The following NDUFA10 variants were observed in gnomAD, a reference collection of about 807,000 sequenced individuals.
NDUFA10 encodes the protein NADH dehydrogenase [ubiquinone] 1 alpha subcomplex subunit 10, mitochondrial.
A neutral mutation model predicts 47.8 loss-of-function variants in NDUFA10; 40 were observed. The observed-to-expected ratio is 0.84, with a 90% CI of 0.65 to 1.09. The LOEUF is 1.09. NDUFA10 is among the 50% of genes least tolerant of loss of function. The pLI is 0.00. For missense variants in NDUFA10, 413 were observed against 451.1 expected, an observed-to-expected ratio of 0.92 and a Z score of 0.76; for synonymous variants, 183 against 172.2, an observed-to-expected ratio of 1.06 and a Z score of -0.49.
At chr2:239,997,364 T>C (rs1312453778) in intron 8 of NDUFA10, among the ~76,000 whole-genome samples, 1 of 152,080 alleles carries the variant, frequency 6.6e-6, no homozygotes. Context: ...AGCAAATAAA[T>C]AGCCAATAAA....
rs992447019 is a variant in NDUFA10, at chr2:239,959,125, C to T, written c.*1993G>A. The T allele has an allele frequency of 7.1e-6, 7 of 985,358 alleles. No homozygotes were observed. The highest frequency in any genetic ancestry group is 5.2e-4 in the Middle Eastern group (1 of 1,936). The allele number at this position is 985,358 out of a possible 1,614,324, so 61.0% of individuals were successfully genotyped here. A position where few individuals can be genotyped will look rare whatever the true frequency, so the allele number is the denominator to read the frequency against. On this transcript the variant is annotated 3_prime_UTR_variant, in exon 10 of 10. Coordinates refer to ENST00000252711, the MANE Select transcript of NDUFA10 (RefSeq NM_004544.4). ...TGAAAACACCAGAAAATCAAACAGA[C>T]GAATGTCCTCAGCACTACAAATTAC...
At chr2:239,988,554 T>C (rs1460172428) in intron 9 of NDUFA10, among the ~76,000 whole-genome samples, 3 of 152,100 alleles carry the variant, frequency 2.0e-5, no homozygotes, top group Admixed American at 6.5e-5. Flanking sequence ...GGGCAGAGAC[T>C]AAACCCAAGG....
chr2:239,914,191 GACACACACAAATATAGAC>G (rs1305105069), intron 4 of NDUFA10, among the ~76,000 whole-genome samples: 5 of 135,098 alleles, frequency 3.7e-5, no homozygotes, highest in African/African-American at 1.7e-4. Flanking sequence ...CACATACACA[GACACACACAAATATAGAC>G]ACACACAGAG....
At chr2:240,003,889 T>G (rs538392218) in intron 8 of NDUFA10, among the ~76,000 whole-genome samples, 5 of 152,036 alleles carry the variant, frequency 3.3e-5, no homozygotes, top group African/African-American at 9.7e-5. Flanking sequence ...GGAAGGTCAA[T>G]GCACAGAGAC....
chr2:240,006,099 G>T (rs138240050), intron 7 of NDUFA10, among the ~76,000 whole-genome samples: 3 of 152,116 alleles, frequency 2.0e-5, no homozygotes, highest in African/African-American at 7.2e-5. Context: ...CTCACAACAG[G>T]CCAAACTCAT....
chr2:239,953,165 T>C (rs186193202), downstream of NDUFA10, among the ~76,000 whole-genome samples: 11 of 152,294 alleles, frequency 7.2e-5, no homozygotes, highest in East Asian at 2.1e-3. Flanking sequence ...TTTCCTGGAC[T>C]GAGTGGCCCA....
intron 4 of NDUFA10, among the ~76,000 whole-genome samples, chr2:239,949,059 C>T (rs1694504944): frequency 6.6e-6 from 1 of 152,242 alleles, no homozygotes; most frequent in African/African-American, 2.4e-5. Flanking sequence ...GCTTTAACCC[C>T]ACGAATGCAA....
At chr2:239,932,024 C>T (rs953385814) in intron 4 of NDUFA10, among the ~76,000 whole-genome samples, 13 of 151,766 alleles carry the variant, frequency 8.6e-5, no homozygotes, top group Admixed American at 3.9e-4. Context: ...TTAGTAGAGA[C>T]GGGGTTTCAC....
At chr2:239,947,429 G>A (rs886709318) in intron 4 of NDUFA10, among the ~76,000 whole-genome samples, 2 of 152,216 alleles carry the variant, frequency 1.3e-5, no homozygotes, top group Admixed American at 6.5e-5. Flanking sequence ...TGCAGCCACA[G>A]CCAAATGCTC....
rs1171104799 is a variant in NDUFA10, at chr2:239,923,531, G to A, written c.295-28217C>T. 3.9e-5 allele frequency among the ~76,000 whole-genome samples: 6 copies of A among 151,962 alleles called. No homozygotes were observed. In the East Asian group the frequency reaches 7.7e-4, roughly 20 times the overall value. ...CAACAGATTTATAAATAATACATGG[G>A]TTCAAGAAATATCCTAGAAGAAAAG... is the stretch of plus-strand genomic sequence containing the variant. On this transcript the variant is annotated intron_variant, in intron 4 of 5. Transcript: ENST00000419408.
chr2:239,962,187 C>T (rs1694879549), intron 9 of NDUFA10, among the ~76,000 whole-genome samples: 1 of 149,632 alleles, frequency 6.7e-6, no homozygotes. Context: ...TTCAAATCAG[C>T]ATGGGCACAC....
chr2:239,984,101 C>T (rs1299438622), intron 9 of NDUFA10, among the ~76,000 whole-genome samples: 1 of 151,976 alleles, frequency 6.6e-6, no homozygotes, highest in African/African-American at 2.4e-5. Context: ...GGCATGGTAG[C>T]AGGCACCTAT....
chr2:239,962,600 C>T (rs969441050), intron 9 of NDUFA10, among the ~76,000 whole-genome samples: 6 of 152,130 alleles, frequency 3.9e-5, no homozygotes, highest in East Asian at 1.9e-4. Flanking sequence ...GTGGAGGGGC[C>T]GGTGCTCTGT....
intron 9 of NDUFA10, among the ~76,000 whole-genome samples, chr2:239,988,421 CCA>C (rs1696094129): frequency 6.6e-6 from 1 of 152,148 alleles, no homozygotes; most frequent in Non-Finnish European, 1.5e-5. Context: ...GGGCACAAAT[CCA>C]CAAAGAGTGG....
intron 4 of NDUFA10, among the ~76,000 whole-genome samples, chr2:239,910,141 G>T (rs1045306886): frequency 6.6e-6 from 1 of 152,208 alleles, no homozygotes; most frequent in Non-Finnish European, 1.5e-5. Context: ...TTCAACCATT[G>T]TGGAAGACAG....
chr2:240,015,355 A>G (rs1697306486), intron 4 of NDUFA10, among the ~76,000 whole-genome samples: 1 of 152,384 alleles, frequency 6.6e-6, no homozygotes, highest in African/African-American at 2.4e-5. Context: ...TATATGTTGC[A>G]GGTATATAGT....
chr2:239,934,504 G>A (rs1369674107), intron 4 of NDUFA10, among the ~76,000 whole-genome samples: 5 of 151,922 alleles, frequency 3.3e-5, no homozygotes, highest in Non-Finnish European at 7.4e-5. Context: ...TTTTATTGAC[G>A]AATTGTACAT....
At position 240,006,337 on chromosome 2, in the gene NDUFA10, G is replaced by A. The variant is rs148030139; in HGVS notation, c.804+979C>T. 2.7e-3 allele frequency among the ~76,000 whole-genome samples: 407 copies of A among 152,308 alleles called. 1 individual carries two copies. Among genetic ancestry groups the A allele is most frequent in the Middle Eastern group, 6.8e-3 (2 of 294 alleles). On this transcript the variant is annotated intron_variant, in intron 7 of 9. Coordinates refer to ENST00000252711, the MANE Select transcript of NDUFA10 (RefSeq NM_004544.4). ...AAGGTCTCAAAAGAACTTTACAACTGGTAGTAGGAGAGCCTGGGCGAGAAT... is the reference window on the plus strand; with the variant it reads ...AAGGTCTCAAAAGAACTTTACAACTAGTAGTAGGAGAGCCTGGGCGAGAAT...
At chr2:239,925,442 A>G (rs1694050449) in intron 4 of NDUFA10, among the ~76,000 whole-genome samples, 1 of 152,210 alleles carries the variant, frequency 6.6e-6, no homozygotes, top group Non-Finnish European at 1.5e-5. Context: ...TCTTTCTACA[A>G]ATAAATGGTG....
Sources: allele counts gnomAD v4.1 joint callset (sites outside exome capture counted in the v4.1 genomes callset), GRCh38; gene constraint gnomAD v4.1.1; transcripts MANE v1.5; gene names NCBI Gene and HGNC (gene_info 2026-07-23, HGNC 2026-07-21).